Variants in CPED1 observed in about 807,000 individuals in gnomAD.
CPED1 encodes the protein cadherin-like and PC-esterase domain-containing protein 1.
CPED1 carries 114 observed loss-of-function variants against 128.2 expected under a neutral mutation model. That is an observed-to-expected ratio of 0.89 (90% CI 0.76 to 1.04). The LOEUF is 1.04. Ranked by LOEUF, CPED1 falls within the 50% of genes least tolerant of loss-of-function variation. The pLI is 0.00. For missense variants in CPED1, 1,211 were observed against 1,207.1 expected (o/e 1.00, Z -0.05); for synonymous variants, 462 against 426.7 (o/e 1.08, Z -1.02).
intron 2 of CPED1, among the ~76,000 whole-genome samples, chr7:121,011,093 T>C (rs1018697327): frequency 2.6e-5 from 4 of 152,150 alleles, no homozygotes; most frequent in African/African-American, 9.7e-5. Context: ...AATTTAACTT[T>C]TAGTCATATA....
intron 16 of CPED1, among the ~76,000 whole-genome samples, chr7:121,198,518 T>C (rs531793381): frequency 6.6e-5 from 10 of 152,156 alleles, no homozygotes; most frequent in Non-Finnish European, 1.2e-4. Context: ...TGCCATGGGG[T>C]TGTTCCCTGT....
In CPED1 at chr7:121,135,529, A is replaced by G. The variant is rs543526265; in HGVS notation, c.1649-511A>G. ...TAGAATGAATCAGTAGGTGCAGTGAAGAGCTGAGAGAAACTGCCTTTCTTT... is the reference window on the plus strand; with the variant it reads ...TAGAATGAATCAGTAGGTGCAGTGAGGAGCTGAGAGAAACTGCCTTTCTTT... On this transcript the variant is annotated intron_variant, in intron 13 of 22. Transcript: ENST00000310396. Among the ~76,000 whole-genome samples the G allele has an allele frequency of 7.9e-4, 120 of 152,234 alleles. 1 individual carries two copies. In the Middle Eastern group the frequency reaches 0.01, roughly 13 times the overall value.
chr7:121,194,018 CTCTCTATA>C (rs1442211746), intron 16 of CPED1, among the ~76,000 whole-genome samples: 54 of 71,506 alleles, frequency 7.6e-4, no homozygotes, highest in African/African-American at 1.6e-3. Context: ...CTCTCTCTCT[CTCTCTATA>C]TATATATATA....
intron 5 of CPED1, among the ~76,000 whole-genome samples, chr7:121,068,129 T>A (rs7806509): frequency 0.89 from 136,000 of 152,092 alleles, 61,013 homozygotes; most frequent in Middle Eastern, 0.98. Flanking sequence ...TTAGATCCCA[T>A]TTGTCAATTT....
intron 3 of CPED1, among the ~76,000 whole-genome samples, chr7:121,028,305 T>A (rs1047604683): frequency 6.6e-6 from 1 of 152,108 alleles, no homozygotes; most frequent in Non-Finnish European, 1.5e-5. Flanking sequence ...TTTATTATGG[T>A]TTTTCAGCTT....
intron 7 of CPED1, among the ~76,000 whole-genome samples, chr7:121,103,887 T>C (rs1308535347): frequency 6.6e-6 from 1 of 152,110 alleles, no homozygotes; most frequent in African/African-American, 2.4e-5. Context: ...CAATTAGGTC[T>C]TCTGCTGAGA....
At chr7:121,159,982 G>C (rs895342075) in intron 16 of CPED1, among the ~76,000 whole-genome samples, 1 of 151,952 alleles carries the variant, frequency 6.6e-6, no homozygotes, top group African/African-American at 2.4e-5. Context: ...TACATTTATG[G>C]GGTATTTTTG....
intron 5 of CPED1, among the ~76,000 whole-genome samples, chr7:121,089,025 T>G (rs546102215): frequency 6.6e-6 from 1 of 152,288 alleles, no homozygotes; most frequent in East Asian, 1.9e-4. Context: ...CTCAGGCCCT[T>G]GGGTCCTCAT....
intron 5 of CPED1, among the ~76,000 whole-genome samples, chr7:121,094,096 C>T (rs1453117117): frequency 6.6e-6 from 1 of 152,134 alleles, no homozygotes; most frequent in Non-Finnish European, 1.5e-5. Flanking sequence ...TATCAATGCC[C>T]TCAGGCAGGA....
At chr7:121,022,034 T>A (rs143068038) in intron 3 of CPED1, among the ~76,000 whole-genome samples, 302 of 152,076 alleles carry the variant, frequency 2.0e-3, no homozygotes, top group African/African-American at 7.0e-3. Context: ...CCTGGATTAT[T>A]CCCTTGGAAA....
At chr7:121,044,663 T>TTTTTTTTTTTTTTTTTC in intron 3 of CPED1, among the ~76,000 whole-genome samples, 1 of 140,198 alleles carries the variant, frequency 7.1e-6, no homozygotes. Context: ...TTTTTTTTTT[T>TTTTTTTTTTTTTTTTTC]TTTTTTGCTA....
At chr7:121,194,018 CTCTCTATATA>C (rs1376637972) in intron 16 of CPED1, among the ~76,000 whole-genome samples, 11 of 71,528 alleles carry the variant, frequency 1.5e-4, no homozygotes, top group East Asian at 4.1e-4. Flanking sequence ...CTCTCTCTCT[CTCTCTATATA>C]TATATATATA....
At chr7:121,122,139 ATT>A (rs34817474) in intron 7 of CPED1, among the ~76,000 whole-genome samples, 1 of 127,286 alleles carries the variant, frequency 7.9e-6, no homozygotes. Context: ...ACTCATCTGG[ATT>A]TTTTTTTTTT....
At chr7:121,167,266 C>T (rs1378973925) in intron 16 of CPED1, among the ~76,000 whole-genome samples, 8 of 152,202 alleles carry the variant, frequency 5.3e-5, no homozygotes, top group Admixed American at 6.5e-5. Context: ...GAAGGATTAA[C>T]TCAGAGGTCA....
Position 121,140,987 on chromosome 7 carries a change from G to A in CPED1, c.1860G>A (p.Val620=), listed in dbSNP as rs1303979612. The part of the protein sequence containing the change: ...GVETPKCLCK[V]HLYEQAGPSF... ...AAACTCCTAAGTGTCTGTGCAAGGT[G>A]CACCTGTACGAGCAGGCAGGGCCAA... is the stretch of plus-strand genomic sequence containing the variant. The change falls in exon 15 of 23, where the codon GTG becomes GTA. Residue 620 remains valine (V), a synonymous_variant. Transcript: ENST00000310396. 3.1e-6 allele frequency: 5 copies of A among 1,611,104 alleles called. No individual in the cohort carries two copies. The East Asian group carries it at 8.9e-5, about 29-fold the overall frequency.
intron 2 of CPED1, among the ~76,000 whole-genome samples, chr7:121,008,435 C>A (rs556251678): frequency 9.2e-5 from 14 of 152,216 alleles, no homozygotes; most frequent in African/African-American, 3.4e-4. Flanking sequence ...TACTGGCCTT[C>A]AAGGTCAACA....
chr7:121,229,652 A>C (rs1303942532), intron 16 of CPED1, among the ~76,000 whole-genome samples: 2 of 152,062 alleles, frequency 1.3e-5, no homozygotes, highest in Non-Finnish European at 2.9e-5. Flanking sequence ...AAATTTGAAA[A>C]TTTGAAATTT....
chr7:121,051,113 C>T (rs1793341464), intron 4 of CPED1: 1 of 524,690 alleles, frequency 1.9e-6, no homozygotes, highest in Non-Finnish European at 3.8e-6. Flanking sequence ...AACCAAGAAA[C>T]TAAAGAAGAT....
chr7:121,098,771 T>A (rs1397246980), intron 6 of CPED1, among the ~76,000 whole-genome samples: 1 of 121,332 alleles, frequency 8.2e-6, no homozygotes, highest in African/African-American at 3.0e-5. Flanking sequence ...TATATAAATA[T>A]ATATATATAA....
Sources: gnomAD v4.1 joint callset for allele counts (sites outside exome capture counted in the v4.1 genomes callset) on GRCh38, gnomAD v4.1.1 for gene constraint, MANE v1.5 for transcripts, NCBI Gene and HGNC (gene_info 2026-07-23, HGNC 2026-07-21) for gene names.